Variants in SLCO3A1 observed in about 807,000 individuals in gnomAD.
SLCO3A1 encodes solute carrier organic anion transporter family member 3A1, also known as PGE1 transporter.
Under a neutral mutation model 63.1 loss-of-function variants are expected in SLCO3A1, and 27 were observed. The ratio of observed to expected loss-of-function variants is 0.43; its 90% CI spans 0.32 to 0.59. The LOEUF (loss-of-function observed/expected upper bound fraction) is 0.59. Among genes scored for constraint, SLCO3A1 ranks in the 20% least tolerant of loss-of-function variants. The pLI, the probability that SLCO3A1 is intolerant of heterozygous loss-of-function variation, is 0.09. For missense variants in SLCO3A1, 773 were observed against 945.8 expected, an observed-to-expected ratio of 0.82 and a Z score of 2.40; for synonymous variants, 473 against 409.9, an observed-to-expected ratio of 1.15 and a Z score of -1.86.
chr15:91,880,393 C>G (rs562552002), intron 1 of SLCO3A1, among the ~76,000 whole-genome samples: 6,849 of 44,474 alleles, frequency 0.15, 448 homozygotes, highest in East Asian at 0.42. Flanking sequence ...CTCTCTCTCT[C>G]TCTCTCTCTC....
chr15:91,917,860 C>T (rs1398542129), intron 2 of SLCO3A1, among the ~76,000 whole-genome samples: 1 of 152,230 alleles, frequency 6.6e-6, no homozygotes, highest in Non-Finnish European at 1.5e-5. Context: ...GGTCCACCCT[C>T]TGACTTGACT....
chr15:91,951,303 A>G (rs1386288068), intron 2 of SLCO3A1, among the ~76,000 whole-genome samples: 3 of 152,180 alleles, frequency 2.0e-5, no homozygotes, highest in Non-Finnish European at 4.4e-5. Context: ...TTTAATATAC[A>G]TGGAATCAGT....
At chr15:92,156,144 A>G (rs981748284) in intron 9 of SLCO3A1, among the ~76,000 whole-genome samples, 1 of 152,168 alleles carries the variant, frequency 6.6e-6, no homozygotes, top group African/African-American at 2.4e-5. Flanking sequence ...GCATATGCCA[A>G]AGTTTATAGG....
chr15:92,090,881 C>T (rs1444893023), intron 2 of SLCO3A1, among the ~76,000 whole-genome samples: 1 of 152,144 alleles, frequency 6.6e-6, no homozygotes, highest in Non-Finnish European at 1.5e-5. Context: ...CAATCCTCAC[C>T]ACAACCCCAT....
chr15:91,945,341 C>CA (rs146934068), intron 2 of SLCO3A1, among the ~76,000 whole-genome samples: 95,888 of 136,954 alleles, frequency 0.7, 33,402 homozygotes, highest in East Asian at 0.96. Context: ...GACTCCATCT[C>CA]AAAAAAAAAA....
intron 2 of SLCO3A1, among the ~76,000 whole-genome samples, chr15:91,972,006 T>C (rs948081921): frequency 9.2e-5 from 14 of 152,242 alleles, no homozygotes; most frequent in African/African-American, 3.1e-4. Flanking sequence ...TTGAGCGTCA[T>C]GTTGGCGCTC....
In SLCO3A1 at chr15:91,885,162, C is replaced by T. The variant is rs1306433198; in HGVS notation, c.181-30831C>T. Among the ~76,000 whole-genome samples, 1 of 152,198 alleles carries T rather than the reference C, an allele frequency of 6.6e-6. No homozygotes were observed. The highest frequency in any genetic ancestry group is 2.4e-5 in the African/African-American group (1 of 41,446). ...CTCTGCGTCACCTGGAAGGAGGGTGCAGAAGGAGCAGGGGGCTTGTCTCCC... is the reference window on the plus strand; with the variant it reads ...CTCTGCGTCACCTGGAAGGAGGGTGTAGAAGGAGCAGGGGGCTTGTCTCCC... On this transcript the variant is annotated intron_variant, in intron 1 of 9. Transcript: ENST00000318445. The surrounding 1 kb of genome is among the most constrained non-coding windows in gnomAD (Gnocchi z 4.7).
chr15:92,131,701 C>T (rs1226995472), intron 7 of SLCO3A1, among the ~76,000 whole-genome samples: 3 of 145,716 alleles, frequency 2.1e-5, no homozygotes, highest in Non-Finnish European at 4.6e-5. Context: ...TTCCCCAACA[C>T]ATCAAGCTCT....
intron 1 of SLCO3A1, among the ~76,000 whole-genome samples, chr15:91,870,192 A>G (rs924482678): frequency 2.6e-5 from 4 of 152,242 alleles, no homozygotes; most frequent in Non-Finnish European, 2.9e-5. Flanking sequence ...TCTTGTTATT[A>G]TTAGGAATAT....
In SLCO3A1 at chr15:91,916,214, G is replaced by T; in HGVS notation, c.402G>T (p.Lys134Asn). The change falls in exon 2 of 10, where the codon AAG becomes AAT. Residue 134 changes from lysine to asparagine, a missense_variant. Coordinates refer to ENST00000318445, the MANE Select transcript of SLCO3A1 (RefSeq NM_013272.4). The surrounding 1 kb of genome is among the most constrained non-coding windows in gnomAD (Gnocchi z 6.2). ...CCGAGTTCCTGACCCACCAGTACAAGTACGAGGCGGGCGAGATCCGCTGGG... is the reference window on the plus strand; with the variant it reads ...CCGAGTTCCTGACCCACCAGTACAATTACGAGGCGGGCGAGATCCGCTGGG... ...ALPEFLTHQY[K>N]YEAGEIRWGA... The T allele has an allele frequency of 6.3e-7, 1 of 1,583,268 alleles. No homozygotes were observed. The highest frequency in any genetic ancestry group is 8.6e-7 in the Non-Finnish European group (1 of 1,166,890).
chr15:92,016,245 A>ATTAGAT (rs199928312), intron 2 of SLCO3A1, among the ~76,000 whole-genome samples: 4 of 55,024 alleles, frequency 7.3e-5, no homozygotes, highest in Admixed American at 2.3e-4. Flanking sequence ...AGATAGATAG[A>ATTAGAT]TAGATAGATT....
At chr15:91,896,286 C>CA (rs1199375158) in intron 1 of SLCO3A1, among the ~76,000 whole-genome samples, 6 of 152,188 alleles carry the variant, frequency 3.9e-5, no homozygotes, top group Non-Finnish European at 8.8e-5. Flanking sequence ...GATGAGGACT[C>CA]AGAGTGATGG....
At chr15:92,013,376 G>T (rs1792680228) in intron 2 of SLCO3A1, among the ~76,000 whole-genome samples, 1 of 152,196 alleles carries the variant, frequency 6.6e-6, no homozygotes, top group African/African-American at 2.4e-5. Flanking sequence ...CCTGCAGTAC[G>T]TGGCCTATTC....
At chr15:91,889,252 T>A in intron 1 of SLCO3A1, 7 of 958,464 alleles carry the variant, frequency 7.3e-6, no homozygotes, top group Non-Finnish European at 1.0e-5. Context: ...GTGGTCCTGC[T>A]GGACCTGGAG....
intron 2 of SLCO3A1, among the ~76,000 whole-genome samples, chr15:91,944,071 C>T (rs1008302759): frequency 1.3e-5 from 2 of 152,158 alleles, no homozygotes; most frequent in Admixed American, 6.5e-5. Context: ...AGCAGGATGA[C>T]CTTGGGCACA....
chr15:92,066,170 T>A (rs914074884), intron 2 of SLCO3A1, among the ~76,000 whole-genome samples: 5 of 152,138 alleles, frequency 3.3e-5, no homozygotes, highest in African/African-American at 4.8e-5. Context: ...TGCATCCCTC[T>A]TGAAGGAAGG....
chr15:92,029,296 C>T (rs1031823126), intron 2 of SLCO3A1, among the ~76,000 whole-genome samples: 1 of 152,186 alleles, frequency 6.6e-6, no homozygotes. Flanking sequence ...GCGATGGGAA[C>T]AGCTATCAGG....
rs1223743278 is a variant in SLCO3A1, at chr15:91,912,294, T to G, written c.181-3699T>G. On this transcript the variant is annotated intron_variant, in intron 1 of 9. Coordinates refer to ENST00000318445, the MANE Select transcript of SLCO3A1 (RefSeq NM_013272.4). The surrounding 1 kb of genome is among the most constrained non-coding windows in gnomAD (Gnocchi z 5.0). ...ATTGTGTTTTAAATGAGTGAAAACA[T>G]TAGCCTCTGATCTAATTGATCCACA... Among the ~76,000 whole-genome samples, 1 of 152,186 alleles carries G rather than the reference T, an allele frequency of 6.6e-6. No homozygotes were observed. The highest frequency in any genetic ancestry group is 1.5e-5 in the Non-Finnish European group (1 of 68,024).
chr15:91,881,727 C>T (rs1897593089), intron 1 of SLCO3A1, among the ~76,000 whole-genome samples: 1 of 152,140 alleles, frequency 6.6e-6, no homozygotes, highest in Non-Finnish European at 1.5e-5. Context: ...GAATGCAAGT[C>T]CCCTGTGGTA....
Sources: gnomAD v4.1 joint callset for allele counts (sites outside exome capture counted in the v4.1 genomes callset) on GRCh38, gnomAD v4.1.1 for gene constraint, Gnocchi (gnomAD v3.1) non-coding constraint, MANE v1.5 for transcripts, NCBI Gene and HGNC (gene_info 2026-07-23, HGNC 2026-07-21) for gene names.